The following GPC6 variants were observed in gnomAD, a reference collection of about 807,000 sequenced individuals.
GPC6 encodes glypican-6.
GPC6 carries 14 observed loss-of-function variants against 55.2 expected under a neutral mutation model. The observed-to-expected ratio is 0.25, with a 90% confidence interval of 0.17 to 0.40. The LOEUF (loss-of-function observed/expected upper bound fraction) is 0.40, where lower values mean the gene tolerates loss of function less well. Ranked by LOEUF, GPC6 falls within the 10% of genes least tolerant of loss-of-function variation. The probability of loss-of-function intolerance (pLI) is 1.00; values close to 1 mark genes in which losing one functional copy is unlikely to be tolerated. For synonymous variants in GPC6, 278 were observed against 259.6 expected, an observed-to-expected ratio of 1.07 and a Z score of -0.68; for missense variants, 641 against 708.5, an observed-to-expected ratio of 0.90 and a Z score of 1.08.
At chr13:94,047,426 T>C (rs1883771093) in intron 4 of GPC6, among the ~76,000 whole-genome samples, 1 of 152,050 alleles carries the variant, frequency 6.6e-6, no homozygotes, top group Non-Finnish European at 1.5e-5. Context: ...AGCATCCATC[T>C]GTTTTCATTC....
At chr13:93,346,525 A>G (rs1034340814) in intron 1 of GPC6, among the ~76,000 whole-genome samples, 2 of 152,144 alleles carry the variant, frequency 1.3e-5, no homozygotes, top group African/African-American at 4.8e-5. Context: ...TTTCCCTGTG[A>G]TGTGAGGGGT....
chr13:93,238,901 T>C (rs1016919565), intron 1 of GPC6, among the ~76,000 whole-genome samples: 1 of 152,174 alleles, frequency 6.6e-6, no homozygotes, highest in Admixed American at 6.5e-5. Flanking sequence ...TTTGTTGACT[T>C]GCATATGTTG....
At chr13:93,656,421 A>G (rs746588858) in intron 2 of GPC6, among the ~76,000 whole-genome samples, 2 of 152,134 alleles carry the variant, frequency 1.3e-5, no homozygotes, top group Admixed American at 6.5e-5. Flanking sequence ...CTATAATGCT[A>G]TCTCTCCTAT....
At chr13:94,065,572 A>G (rs545997359) in intron 4 of GPC6, among the ~76,000 whole-genome samples, 14 of 152,300 alleles carry the variant, frequency 9.2e-5, no homozygotes, top group African/African-American at 2.6e-4. Flanking sequence ...CATATTTTCT[A>G]ACACCGCTCT....
chr13:93,683,050 G>T (rs1204317781), intron 2 of GPC6, among the ~76,000 whole-genome samples: 1 of 151,684 alleles, frequency 6.6e-6, no homozygotes, highest in Non-Finnish European at 1.5e-5. Flanking sequence ...AAAAAGAAAA[G>T]AAAGAAAGTC....
chr13:93,343,646 G>A (rs1208257878), intron 1 of GPC6, among the ~76,000 whole-genome samples: 2 of 152,138 alleles, frequency 1.3e-5, no homozygotes, highest in South Asian at 2.1e-4. Context: ...CCCAGCATAT[G>A]AAGACCCTTT....
At chr13:93,489,668 C>G (rs1040834272) in intron 1 of GPC6, among the ~76,000 whole-genome samples, 5 of 151,536 alleles carry the variant, frequency 3.3e-5, no homozygotes, top group Admixed American at 6.5e-5. Context: ...TTGTAGTTCT[C>G]CTTGAAGAGG....
chr13:94,102,801 G>A (rs544521947), intron 4 of GPC6, among the ~76,000 whole-genome samples: 1 of 152,242 alleles, frequency 6.6e-6, no homozygotes, highest in East Asian at 1.9e-4. Context: ...GAGGACCTGA[G>A]CCCTACTCTC....
intron 1 of GPC6, among the ~76,000 whole-genome samples, chr13:93,509,716 C>T (rs894898562): frequency 2.6e-5 from 4 of 152,150 alleles, no homozygotes; most frequent in African/African-American, 7.2e-5. Context: ...ACCATTTGTT[C>T]CATGTGTTTT....
chr13:93,964,990 A>T (rs1879961120), intron 3 of GPC6, among the ~76,000 whole-genome samples: 1 of 152,126 alleles, frequency 6.6e-6, no homozygotes, highest in East Asian at 1.9e-4. Flanking sequence ...ATATAAAAAG[A>T]GACAGCAGTC....
chr13:93,594,680 T>C (rs1356473619), intron 2 of GPC6, among the ~76,000 whole-genome samples: 1 of 152,010 alleles, frequency 6.6e-6, no homozygotes, highest in African/African-American at 2.4e-5. Context: ...ATTTGGGTAG[T>C]ATATAAATAC....
intron 1 of GPC6, among the ~76,000 whole-genome samples, chr13:93,309,921 A>G (rs1397778836): frequency 6.6e-6 from 1 of 152,174 alleles, no homozygotes; most frequent in Non-Finnish European, 1.5e-5. Context: ...GTATTGTAAA[A>G]AGTGACCTGC....
At chr13:93,610,274 ACTCT>A (rs887074292) in intron 2 of GPC6, among the ~76,000 whole-genome samples, 90 of 152,142 alleles carry the variant, frequency 5.9e-4, no homozygotes, top group African/African-American at 2.1e-3. Context: ...AAAGCAACTG[ACTCT>A]CTCAACATCA....
At chr13:93,586,689 T>C (rs1877217150) in intron 2 of GPC6, among the ~76,000 whole-genome samples, 1 of 152,160 alleles carries the variant, frequency 6.6e-6, no homozygotes, top group Admixed American at 6.5e-5. Flanking sequence ...ACAATACCTG[T>C]CAGTTTTATC....
chr13:93,255,572 T>C (rs1323266330), intron 1 of GPC6, among the ~76,000 whole-genome samples: 1 of 152,210 alleles, frequency 6.6e-6, no homozygotes, highest in Non-Finnish European at 1.5e-5. Context: ...TTTCTTTCAA[T>C]GTCATACATA....
At chr13:93,850,036 GAGTAA>G (rs1888340297) in intron 3 of GPC6, among the ~76,000 whole-genome samples, 2 of 151,968 alleles carry the variant, frequency 1.3e-5, no homozygotes, top group African/African-American at 4.8e-5. Context: ...TCATGCCCAT[GAGTAA>G]AAAAAGGCTG....
intron 1 of GPC6, among the ~76,000 whole-genome samples, chr13:93,496,665 G>A (rs571087607): frequency 6.6e-6 from 1 of 152,236 alleles, no homozygotes; most frequent in Admixed American, 6.5e-5. Context: ...AGACTTTGGA[G>A]CCAGATTGTC....
intron 1 of GPC6, among the ~76,000 whole-genome samples, chr13:93,458,360 T>A (rs986472812): frequency 2.6e-5 from 4 of 152,174 alleles, no homozygotes; most frequent in Non-Finnish European, 4.4e-5. Flanking sequence ...GTAGCATTTA[T>A]CACACAGCCA....
intron 2 of GPC6, among the ~76,000 whole-genome samples, chr13:93,661,067 T>C (rs951844379): frequency 6.6e-6 from 1 of 152,214 alleles, no homozygotes; most frequent in Admixed American, 6.5e-5. Flanking sequence ...CTTGGAGACT[T>C]AGTAAACTCA....
Sources: gnomAD v4.1 joint callset for allele counts (sites outside exome capture counted in the v4.1 genomes callset) on GRCh38, gnomAD v4.1.1 for gene constraint, MANE v1.5 for transcripts, NCBI Gene and HGNC (gene_info 2026-07-23, HGNC 2026-07-21) for gene names.